EBF1: variants seen among roughly 807,000 people sequenced by gnomAD.
EBF1 encodes transcription factor COE1.
EBF1 carries 10 observed loss-of-function variants against 68.4 expected under a neutral mutation model. The observed-to-expected ratio is 0.15, with a 90% CI of 0.09 to 0.25. The LOEUF is 0.25. Among genes scored for constraint, EBF1 ranks in the 10% least tolerant of loss-of-function variants. The probability of loss-of-function intolerance (pLI) is 1.00; values close to 1 mark genes in which losing one functional copy is unlikely to be tolerated. For missense variants in EBF1, 509 were observed against 794.4 expected (o/e 0.64, Z 4.32); for synonymous variants, 298 against 299.8 (o/e 0.99, Z 0.06).
intron 6 of EBF1, among the ~76,000 whole-genome samples, chr5:159,009,374 G>A (rs551137657): frequency 7.9e-5 from 12 of 152,226 alleles, no homozygotes; most frequent in East Asian, 3.9e-4. Flanking sequence ...CCTCAACCTC[G>A]TGATTGTGTG....
chr5:158,992,586 A>T (rs1760558667), intron 6 of EBF1, among the ~76,000 whole-genome samples: 1 of 152,206 alleles, frequency 6.6e-6, no homozygotes. Context: ...AACCAATTAA[A>T]GTTTATTTAC....
chr5:159,044,603 A>G (rs985205747), intron 6 of EBF1, among the ~76,000 whole-genome samples: 8 of 152,208 alleles, frequency 5.3e-5, no homozygotes, highest in African/African-American at 1.9e-4. Context: ...GAGTATGTAC[A>G]TTGCCACAGA....
At chr5:159,015,201 G>A (rs1765412537) in intron 6 of EBF1, among the ~76,000 whole-genome samples, 1 of 152,182 alleles carries the variant, frequency 6.6e-6, no homozygotes, top group African/African-American at 2.4e-5. Flanking sequence ...AGTATTGCAT[G>A]AATTAAATGT....
At chr5:158,716,624 T>C (rs1044037497) in intron 11 of EBF1, among the ~76,000 whole-genome samples, 27 of 152,336 alleles carry the variant, frequency 1.8e-4, no homozygotes, top group African/African-American at 6.0e-4. Context: ...TTCTATTAGG[T>C]ATTTCTGCAA....
intron 6 of EBF1, among the ~76,000 whole-genome samples, chr5:159,014,296 A>G (rs930903322): frequency 8.5e-5 from 13 of 152,242 alleles, no homozygotes; most frequent in African/African-American, 2.7e-4. Flanking sequence ...TATAGAAAGC[A>G]AGCATGTTTC....
Position 158,699,188 on chromosome 5 carries a change from T to G in EBF1, c.1745-46A>C, listed in dbSNP as rs377325866. The G allele has an allele frequency of 2.2e-5, 34 of 1,562,408 alleles. No homozygotes were observed. The African/African-American group carries it at 4.7e-4, about 22-fold the overall frequency. Reference sequence around the variant, plus strand: ...GTCAATGGTTTCTTTGCGTTCAAACTTCTCACTGAGAAAAATAATGAAGAC... The same window carrying G: ...GTCAATGGTTTCTTTGCGTTCAAACGTCTCACTGAGAAAAATAATGAAGAC... On this transcript the variant is annotated intron_variant, in intron 15 of 15. Coordinates refer to ENST00000313708, the MANE Select transcript of EBF1 (RefSeq NM_024007.5).
Position 159,060,440 on chromosome 5 carries a change from A to G in EBF1, c.554+12956T>C, listed in dbSNP as rs185658129. On this transcript the variant is annotated intron_variant, in intron 6 of 15. Transcript: ENST00000313708. ...ATCTATGTAAAGTTGCTATTTTTTAATTCTTCAATTCCTGATTGAATAAAT... is the reference window on the plus strand; with the variant it reads ...ATCTATGTAAAGTTGCTATTTTTTAGTTCTTCAATTCCTGATTGAATAAAT... Among the ~76,000 whole-genome samples, 541 of 152,350 alleles carry G rather than the reference A, an allele frequency of 3.6e-3. 1 individual carries two copies. Among genetic ancestry groups the G allele is most frequent in the Admixed American group, 6.3e-3 (97 of 15,310 alleles).
At chr5:158,867,480 T>C (rs1796135236) in intron 6 of EBF1, among the ~76,000 whole-genome samples, 1 of 152,158 alleles carries the variant, frequency 6.6e-6, no homozygotes, top group Non-Finnish European at 1.5e-5. Flanking sequence ...TCTTTGCCCC[T>C]GTCAGAGGCA....
At chr5:158,724,763 G>A (rs927327148) in intron 11 of EBF1, among the ~76,000 whole-genome samples, 1 of 152,186 alleles carries the variant, frequency 6.6e-6, no homozygotes, top group Non-Finnish European at 1.5e-5. Flanking sequence ...GCACAACTGA[G>A]CCACTAAATG....
At chr5:159,068,743 A>G (rs937324403) in intron 6 of EBF1, among the ~76,000 whole-genome samples, 7 of 152,132 alleles carry the variant, frequency 4.6e-5, no homozygotes, top group Admixed American at 4.6e-4. Flanking sequence ...CATAAAACAA[A>G]CCCAATTCGT....
intron 6 of EBF1, among the ~76,000 whole-genome samples, chr5:158,975,887 C>T (rs1024757835): frequency 6.6e-6 from 1 of 152,178 alleles, no homozygotes; most frequent in Non-Finnish European, 1.5e-5. Flanking sequence ...AGCAAGCACG[C>T]CCCCATCCTC....
At chr5:158,733,691 A>G (rs1764582183) in intron 10 of EBF1, among the ~76,000 whole-genome samples, 1 of 152,206 alleles carries the variant, frequency 6.6e-6, no homozygotes, top group South Asian at 2.1e-4. Context: ...AAGGGCTTTT[A>G]ACTTATGTCC....
intron 5 of EBF1, among the ~76,000 whole-genome samples, chr5:159,074,969 A>G (rs1219431570): frequency 6.6e-6 from 1 of 152,230 alleles, no homozygotes; most frequent in Non-Finnish European, 1.5e-5. Context: ...GTTGAAATGC[A>G]TGCCAGAAAA....
intron 6 of EBF1, among the ~76,000 whole-genome samples, chr5:159,007,868 T>C (rs556466325): frequency 1.3e-5 from 2 of 152,208 alleles, no homozygotes; most frequent in African/African-American, 4.8e-5. Flanking sequence ...TCATGAGATA[T>C]GAAGGAAAGA....
At chr5:158,994,893 A>G (rs192799712) in intron 6 of EBF1, among the ~76,000 whole-genome samples, 79 of 152,332 alleles carry the variant, frequency 5.2e-4, no homozygotes, top group Non-Finnish European at 1.1e-3. Context: ...TGATTATCAA[A>G]AATTTATTCT....
chr5:158,915,879 C>A (rs1807089438), intron 6 of EBF1, among the ~76,000 whole-genome samples: 1 of 152,182 alleles, frequency 6.6e-6, no homozygotes, highest in East Asian at 1.9e-4. Context: ...GGTCCACATT[C>A]AAGGCTTTCA....
chr5:158,938,256 G>A lies in EBF1; in HGVS notation c.555-98146C>T, dbSNP rs375277381. Among the ~76,000 whole-genome samples the A allele has an allele frequency of 9.2e-5, 14 of 152,086 alleles. No homozygotes were observed. In the South Asian group the frequency reaches 2.5e-3, roughly 27 times the overall value. On this transcript the variant is annotated intron_variant, in intron 6 of 15. Transcript: ENST00000313708. ...CAATCACCTCCTTTTTGCTCCCAGG[G>A]GAGAGTCCAGCATTTCTGACATGAA... is the stretch of plus-strand genomic sequence containing the variant.
At chr5:158,804,794 T>C (rs1316295964) in intron 8 of EBF1, among the ~76,000 whole-genome samples, 7 of 152,258 alleles carry the variant, frequency 4.6e-5, no homozygotes, top group Non-Finnish European at 8.8e-5. Flanking sequence ...AAAATATTAA[T>C]CCTAGAGCAG....
intron 6 of EBF1, among the ~76,000 whole-genome samples, chr5:158,998,090 C>T (rs1193203028): frequency 2.0e-5 from 3 of 152,118 alleles, no homozygotes; most frequent in Non-Finnish European, 4.4e-5. Flanking sequence ...TTAGGACAGC[C>T]ATTCCTTTTT....
Sources: allele counts gnomAD v4.1 joint callset (sites outside exome capture counted in the v4.1 genomes callset), GRCh38; gene constraint gnomAD v4.1.1; transcripts MANE v1.5; gene names NCBI Gene and HGNC (gene_info 2026-07-23, HGNC 2026-07-21).